Variants in PTPRD observed in about 807,000 individuals in gnomAD.
PTPRD encodes the protein protein tyrosine phosphatase receptor type D.
PTPRD carries 34 observed loss-of-function variants against 214.5 expected under a neutral mutation model. That is an observed-to-expected ratio of 0.16 (90% CI 0.12 to 0.21). PTPRD has a LOEUF of 0.21. Ranked by LOEUF, PTPRD falls within the 10% of genes least tolerant of loss-of-function variation. The pLI, the probability that PTPRD is intolerant of heterozygous loss-of-function variation, is 1.00. For missense variants in PTPRD, 2,545 were observed against 2,398.7 expected, an observed-to-expected ratio of 1.06 and a Z score of -1.27; for synonymous variants, 1,128 against 845.7, an observed-to-expected ratio of 1.33 and a Z score of -5.79.
chr9:8,665,223 CA>C (rs1034763785), intron 12 of PTPRD, among the ~76,000 whole-genome samples: 2 of 152,056 alleles, frequency 1.3e-5, no homozygotes, highest in Admixed American at 1.3e-4. Context: ...AAAACAGAAA[CA>C]AATATTAAGC....
At chr9:9,758,063 T>A (rs1213120001) in intron 6 of PTPRD, among the ~76,000 whole-genome samples, 1 of 150,500 alleles carries the variant, frequency 6.6e-6, no homozygotes, top group African/African-American at 2.5e-5. Flanking sequence ...CCCCAAATAA[T>A]ACTGATTGGG....
rs58828058 is a variant in PTPRD, at chr9:8,764,808, G to GATAATAATA, written c.-103-30871_-103-30863dup. Among the ~76,000 whole-genome samples the GATAATAATA allele has an allele frequency of 3.7e-3, 544 of 146,672 alleles. 2 individuals carry two copies. The highest frequency in any genetic ancestry group is 6.5e-3 in the Non-Finnish European group (437 of 66,856). On this transcript the variant is annotated intron_variant, in intron 11 of 45. Coordinates refer to ENST00000381196, the MANE Select transcript of PTPRD (RefSeq NM_002839.4). Reference sequence around the variant, plus strand: ...TTTGTCTCAAAATAATAATAATAATGATAATAATAATAATAATAATAATAA... The same window carrying GATAATAATA: ...TTTGTCTCAAAATAATAATAATAATGATAATAATAATAATAATAATAATAATAATAATAA...
At chr9:8,879,009 T>G (rs1242294183) in intron 11 of PTPRD, among the ~76,000 whole-genome samples, 1 of 152,218 alleles carries the variant, frequency 6.6e-6, no homozygotes, top group Non-Finnish European at 1.5e-5. Context: ...ACATGAACTT[T>G]TACTCTGTTG....
intron 10 of PTPRD, among the ~76,000 whole-genome samples, chr9:9,168,650 G>C (rs1380664631): frequency 6.6e-6 from 1 of 151,870 alleles, no homozygotes; most frequent in Non-Finnish European, 1.5e-5. Context: ...ATCTTGTTTT[G>C]AGACACCACC....
intron 11 of PTPRD, among the ~76,000 whole-genome samples, chr9:9,014,188 T>C (rs1053830982): frequency 1.7e-5 from 1 of 59,252 alleles, no homozygotes; most frequent in Non-Finnish European, 3.9e-5. Flanking sequence ...TTTTTTTTTG[T>C]TTGTTTGTTT....
intron 3 of PTPRD, among the ~76,000 whole-genome samples, chr9:10,197,977 T>A (rs940390077): frequency 6.6e-6 from 1 of 152,094 alleles, no homozygotes; most frequent in African/African-American, 2.4e-5. Flanking sequence ...TACTTGAAAA[T>A]TTTTTTAAAC....
At chr9:8,782,399 T>C (rs1041319665) in intron 11 of PTPRD, among the ~76,000 whole-genome samples, 1 of 152,170 alleles carries the variant, frequency 6.6e-6, no homozygotes, top group Non-Finnish European at 1.5e-5. Context: ...TACAATACAT[T>C]GTTATTAACT....
At chr9:9,574,143 G>A (rs1022348883) in intron 8 of PTPRD, among the ~76,000 whole-genome samples, 1 of 151,808 alleles carries the variant, frequency 6.6e-6, no homozygotes, top group South Asian at 2.1e-4. Context: ...TGTATATTCT[G>A]TAGTCAATTA....
At chr9:9,958,752 T>C (rs1008230390) in intron 4 of PTPRD, among the ~76,000 whole-genome samples, 1 of 152,150 alleles carries the variant, frequency 6.6e-6, no homozygotes, top group Non-Finnish European at 1.5e-5. Context: ...GGACAGATAC[T>C]TCAAAGAAAA....
chr9:9,071,017 G>A (rs1282864620), intron 10 of PTPRD, among the ~76,000 whole-genome samples: 2 of 152,028 alleles, frequency 1.3e-5, no homozygotes, highest in Admixed American at 1.3e-4. Flanking sequence ...GGGCCCAAGT[G>A]ATCCTCCCAC....
At chr9:10,483,905 C>G (rs2099116098) in intron 2 of PTPRD, among the ~76,000 whole-genome samples, 1 of 152,098 alleles carries the variant, frequency 6.6e-6, no homozygotes, top group Admixed American at 6.5e-5. Context: ...CACCATTCAA[C>G]TGAGCAAACC....
chr9:9,496,163 T>G (rs72706509), intron 8 of PTPRD, among the ~76,000 whole-genome samples: 17,083 of 152,118 alleles, frequency 0.11, 1,070 homozygotes, highest in Middle Eastern at 0.23. Flanking sequence ...AGTGTTTTCT[T>G]GGATATGACA....
At chr9:8,415,654 T>C (rs10977070) in intron 35 of PTPRD, among the ~76,000 whole-genome samples, 19,176 of 152,074 alleles carry the variant, frequency 0.13, 1,224 homozygotes, top group South Asian at 0.14. Context: ...TAAATTAACA[T>C]GTCCTTTAAA....
At chr9:10,166,904 G>C (rs1188865635) in intron 3 of PTPRD, among the ~76,000 whole-genome samples, 1 of 151,932 alleles carries the variant, frequency 6.6e-6, no homozygotes, top group Non-Finnish European at 1.5e-5. Flanking sequence ...ACAATAATCA[G>C]CTATTCTCCA....
chr9:8,433,106 G>T (rs1424359215), intron 35 of PTPRD, among the ~76,000 whole-genome samples: 2 of 152,176 alleles, frequency 1.3e-5, no homozygotes, highest in Non-Finnish European at 2.9e-5. Flanking sequence ...GCTGCATAAT[G>T]ACATTTCAGT....
chr9:10,556,845 CAG>C (rs2062721891), intron 2 of PTPRD, among the ~76,000 whole-genome samples: 1 of 151,964 alleles, frequency 6.6e-6, no homozygotes, highest in Non-Finnish European at 1.5e-5. Flanking sequence ...TTTTAAGCAA[CAG>C]ATAGTGATTT....
intron 5 of PTPRD, among the ~76,000 whole-genome samples, chr9:9,796,848 A>T (rs1305046962): frequency 1.3e-5 from 2 of 152,214 alleles, no homozygotes; most frequent in East Asian, 1.9e-4. Context: ...ATACAAAGCT[A>T]CATAAATTCA....
At chr9:8,765,274 A>G (rs2094644034) in intron 11 of PTPRD, among the ~76,000 whole-genome samples, 1 of 152,234 alleles carries the variant, frequency 6.6e-6, no homozygotes, top group Admixed American at 6.5e-5. Flanking sequence ...CTTCCAGCAA[A>G]CAGATTATGC....
At chr9:9,778,587 C>T (rs149583477) in intron 5 of PTPRD, among the ~76,000 whole-genome samples, 2 of 152,200 alleles carry the variant, frequency 1.3e-5, no homozygotes, top group Admixed American at 6.5e-5. Context: ...TGCTGTCTGT[C>T]TGCCCCTCCC....
Sources: allele counts gnomAD v4.1 joint callset (sites outside exome capture counted in the v4.1 genomes callset), GRCh38; gene constraint gnomAD v4.1.1; transcripts MANE v1.5; gene names NCBI Gene and HGNC (gene_info 2026-07-23, HGNC 2026-07-21).